ARAP2: variants seen among roughly 807,000 people sequenced by gnomAD.
ARAP2 encodes the protein ArfGAP with RhoGAP domain, ankyrin repeat and PH domain 2, also known as arf-GAP with Rho-GAP domain, ANK repeat and PH domain-containing protein 2.
ARAP2 carries 148 observed loss-of-function variants against 194.5 expected under a neutral mutation model. That is an observed-to-expected ratio of 0.76 (90% CI 0.67 to 0.87). The LOEUF (loss-of-function observed/expected upper bound fraction) is 0.87. ARAP2 is among the 40% of genes least tolerant of loss of function. ARAP2 has a pLI of 0.00. For missense variants in ARAP2, 2,128 were observed against 1,989.7 expected (o/e 1.07, Z -1.32); for synonymous variants, 695 against 683.5 (o/e 1.02, Z -0.26).
At chr4:36,186,311 C>T (rs1233544182) in intron 8 of ARAP2, among the ~76,000 whole-genome samples, 3 of 152,148 alleles carry the variant, frequency 2.0e-5, no homozygotes, top group African/African-American at 4.8e-5. Flanking sequence ...TCTCTGGCTC[C>T]TCCCCAACCC....
At chr4:36,113,565 C>T (rs1240949796) in intron 26 of ARAP2, among the ~76,000 whole-genome samples, 2 of 151,844 alleles carry the variant, frequency 1.3e-5, no homozygotes, top group African/African-American at 2.4e-5. Flanking sequence ...AGCAGCTAGA[C>T]AGATGGTGAA....
At position 36,147,425 on chromosome 4, in the gene ARAP2, C is replaced by A. The variant is rs771913874; in HGVS notation, c.3200-66G>T. Reference sequence around the variant, plus strand: ...ACTGTAATAAACACCCATGAAGACACAAATATTAATACTGCTTAGTCATAA... The same window carrying A: ...ACTGTAATAAACACCCATGAAGACAAAAATATTAATACTGCTTAGTCATAA... On this transcript the variant is annotated intron_variant, in intron 18 of 32. Coordinates refer to ENST00000303965, the MANE Select transcript of ARAP2 (RefSeq NM_015230.4). 5.0e-4 allele frequency: 785 copies of A among 1,582,870 alleles called. 1 individual carries two copies. Among genetic ancestry groups the A allele is most frequent in the Non-Finnish European group, 4.0e-4 (457 of 1,154,036 alleles).
chr4:36,168,771 A>G (rs182186934), intron 9 of ARAP2, among the ~76,000 whole-genome samples: 32 of 152,344 alleles, frequency 2.1e-4, no homozygotes, highest in African/African-American at 7.7e-4. Flanking sequence ...ATAAAAGAAA[A>G]GATGCAGAGA....
chr4:36,207,792 C>A (rs951478578), intron 6 of ARAP2, among the ~76,000 whole-genome samples: 1 of 151,636 alleles, frequency 6.6e-6, no homozygotes, highest in Non-Finnish European at 1.5e-5. Flanking sequence ...AAAAAAAAAC[C>A]CAAGAGTTCA....
downstream of ARAP2, among the ~76,000 whole-genome samples, chr4:36,063,316 G>C (rs1724767676): frequency 6.6e-6 from 1 of 152,244 alleles, no homozygotes; most frequent in Admixed American, 6.5e-5. Context: ...CAGGAGGTGG[G>C]GGGTTGGGGG....
intron 9 of ARAP2, among the ~76,000 whole-genome samples, chr4:36,172,886 C>T (rs1158320214): frequency 2.0e-5 from 3 of 152,150 alleles, no homozygotes; most frequent in Admixed American, 2.0e-4. Flanking sequence ...TTTGAGGCCA[C>T]CACCTCCATC....
At chr4:36,020,391 A>C (rs1480550636) in intron 5 of ARAP2, among the ~76,000 whole-genome samples, 2 of 152,194 alleles carry the variant, frequency 1.3e-5, no homozygotes, top group Non-Finnish European at 2.9e-5. Context: ...ATCCTGGATG[A>C]AAAGAGCAAA....
At chr4:36,140,416 T>A (rs939311612) in intron 19 of ARAP2, among the ~76,000 whole-genome samples, 1 of 151,746 alleles carries the variant, frequency 6.6e-6, no homozygotes, top group African/African-American at 2.4e-5. Flanking sequence ...CTTTCTTTTT[T>A]AAAAACCTGT....
intron 17 of ARAP2, among the ~76,000 whole-genome samples, chr4:36,148,183 A>T (rs13127105): frequency 0.087 from 13,236 of 152,206 alleles, 629 homozygotes; most frequent in Middle Eastern, 0.13. Context: ...CATGGCCTTA[A>T]TTTGAAGAAT....
chr4:36,140,139 T>TACATACAC (rs1553917267), intron 19 of ARAP2, among the ~76,000 whole-genome samples: 2 of 140,384 alleles, frequency 1.4e-5, no homozygotes, highest in Non-Finnish European at 3.1e-5. Context: ...ACAAAAACAA[T>TACATACAC]ACACACACAC....
intron 15 of ARAP2, among the ~76,000 whole-genome samples, chr4:36,151,380 C>G (rs1156759116): frequency 2.6e-5 from 4 of 152,066 alleles, no homozygotes; most frequent in East Asian, 3.9e-4. Context: ...AAAACAAAAA[C>G]GTAGCATGAA....
chr4:36,160,958 G>C (rs1218304177), intron 12 of ARAP2, among the ~76,000 whole-genome samples: 1 of 152,124 alleles, frequency 6.6e-6, no homozygotes, highest in African/African-American at 2.4e-5. Flanking sequence ...CCGAGTAGGT[G>C]GGCTAATGCT....
chr4:36,170,109 C>T (rs1410096175), intron 9 of ARAP2, among the ~76,000 whole-genome samples: 2 of 152,166 alleles, frequency 1.3e-5, no homozygotes, highest in Non-Finnish European at 2.9e-5. Context: ...CTCCCTCCCA[C>T]CCAGAGACTC....
intron 19 of ARAP2, among the ~76,000 whole-genome samples, chr4:36,136,940 A>G (rs200968459): frequency 0.3 from 44,759 of 149,436 alleles, 7,832 homozygotes; most frequent in East Asian, 0.46. Flanking sequence ...GCGCACACAC[A>G]CACACACACA....
chr4:36,159,492 G>C lies in ARAP2; in HGVS notation c.2456C>G (p.Ala819Gly). ...TTCTAGAACATCCGGTTTCACTACA[G>C]CAGCACATAGAGCCTGGTCATTAAA... ...KEELNKALCAAVVKPDVLETM... is the reference protein window; with the variant it reads ...KEELNKALCAGVVKPDVLETM... Residue 819 changes from alanine to glycine, a missense_variant, in exon 14 of 33, where the codon GCT becomes GGT. Ala to Gly is a moderately conservative substitution (Grantham distance 60). Transcript: ENST00000303965. The C allele has an allele frequency of 6.4e-7, 1 of 1,573,166 alleles. No individual in the cohort carries two copies. Among genetic ancestry groups the C allele is most frequent in the Non-Finnish European group, 8.7e-7 (1 of 1,155,762 alleles).
intron 11 of ARAP2, among the ~76,000 whole-genome samples, chr4:36,164,328 ACTTC>A (rs1734788894): frequency 6.6e-6 from 1 of 152,122 alleles, no homozygotes; most frequent in Non-Finnish European, 1.5e-5. Flanking sequence ...GCTGGGGTCC[ACTTC>A]CTTCCACTCA....
At chr4:36,172,278 T>C (rs1165885649) in intron 9 of ARAP2, among the ~76,000 whole-genome samples, 1 of 152,222 alleles carries the variant, frequency 6.6e-6, no homozygotes, top group East Asian at 1.9e-4. Flanking sequence ...ACCCATTTAC[T>C]GGCTGTTTGA....
At chr4:36,150,169 T>C (rs1730621902) in intron 16 of ARAP2, among the ~76,000 whole-genome samples, 1 of 152,240 alleles carries the variant, frequency 6.6e-6, no homozygotes, top group Admixed American at 6.5e-5. Context: ...AGCATTTCAA[T>C]ATGCTACTAA....
At chr4:36,225,617 C>T (rs139750138) in intron 2 of ARAP2, among the ~76,000 whole-genome samples, 45 of 152,184 alleles carry the variant, frequency 3.0e-4, no homozygotes, top group Admixed American at 9.8e-4. Flanking sequence ...CAGGGAAGAA[C>T]CCAAGTCCAC....
Sources: allele counts gnomAD v4.1 joint callset (sites outside exome capture counted in the v4.1 genomes callset), GRCh38; gene constraint gnomAD v4.1.1; transcripts MANE v1.5; gene names NCBI Gene and HGNC (gene_info 2026-07-23, HGNC 2026-07-21).